Variants in WWP2 observed in about 807,000 individuals in gnomAD.
The protein encoded by WWP2 is NEDD4-like E3 ubiquitin-protein ligase WWP2.
WWP2 carries 57 observed loss-of-function variants against 121.0 expected under a neutral mutation model. That is an observed-to-expected ratio of 0.47 (90% confidence interval 0.38 to 0.59). The LOEUF (loss-of-function observed/expected upper bound fraction) is 0.59, where lower values mean the gene tolerates loss of function less well. Ranked by LOEUF, WWP2 falls within the 20% of genes least tolerant of loss-of-function variation. WWP2 has a pLI of 0.00. For missense variants in WWP2, 962 were observed against 1,158.9 expected, an observed-to-expected ratio of 0.83 and a Z score of 2.47; for synonymous variants, 449 against 441.3, an observed-to-expected ratio of 1.02 and a Z score of -0.22.
In WWP2 at chr16:69,917,726, A is replaced by C; in HGVS notation, c.1022A>C (p.Asp341Ala). The change falls in exon 10 of 24, where the codon GAT (aspartate) becomes GCT (alanine). Residue 341 changes from aspartate to alanine, a missense_variant. Around this residue, in one of 3 missense-constraint regions of WWP2, gnomAD observed 606 missense variants for 772.6 expected, o/e 0.78. Coordinates refer to ENST00000359154, the MANE Select transcript of WWP2 (RefSeq NM_001270454.2). Reference sequence around the variant, plus strand: ...ATTTCCAGCTGGGAAAAACGCACAGATCCCCGAGGCAGGTTTTACTATGTG... The same window carrying C: ...ATTTCCAGCTGGGAAAAACGCACAGCTCCCCGAGGCAGGTTTTACTATGTG... ...PLPPGWEKRT[D>A]PRGRFYYVDH... 6.2e-7 allele frequency: 1 copy of C among 1,604,348 alleles called. No homozygotes were observed. Among genetic ancestry groups the C allele is most frequent in the East Asian group, 2.2e-5 (1 of 44,544 alleles).
Position 69,799,170 on chromosome 16 carries a change from T to C in WWP2, c.219-4T>C, listed in dbSNP as rs2151813624. ...ATGTAATGAATCAGGTATTTGTTTT[T>C]CAGGAATGTCACGGCACAGAGTCAT... is the stretch of plus-strand genomic sequence containing the variant. On this transcript the variant is annotated splice_region_variant and splice_polypyrimidine_tract_variant and intron_variant, in intron 3 of 23. Coordinates refer to ENST00000359154, the MANE Select transcript of WWP2 (RefSeq NM_001270454.2). The surrounding 1 kb of genome is among the most constrained non-coding windows in gnomAD (Gnocchi z 4.5). The C allele has an allele frequency of 6.2e-7, 1 of 1,609,032 alleles. No homozygotes were observed. Among genetic ancestry groups the C allele is most frequent in the Non-Finnish European group, 8.5e-7 (1 of 1,178,338 alleles).
At position 69,938,908 on chromosome 16, in the gene WWP2, A is replaced by G. The variant is rs1175123257; in HGVS notation, c.2344-119A>G. On this transcript the variant is annotated intron_variant, in intron 21 of 23. Coordinates refer to ENST00000359154, the MANE Select transcript of WWP2 (RefSeq NM_001270454.2). Reference sequence around the variant, plus strand: ...GTTGGAGGCTGTCATCCCCTGGCCAACCTGGCTTTGTGTTCTCAGCCCCAA... The same window carrying G: ...GTTGGAGGCTGTCATCCCCTGGCCAGCCTGGCTTTGTGTTCTCAGCCCCAA... 7.1e-6 allele frequency: 6 copies of G among 849,952 alleles called. No individual in the cohort carries two copies. The African/African-American group carries it at 8.5e-5, about 12-fold the overall frequency. 52.7% of individuals were successfully genotyped at this position (849,952 alleles called of 1,614,324 possible).
chr16:69,763,722 T>A (rs1483406209), intron 1 of WWP2, among the ~76,000 whole-genome samples: 2 of 152,254 alleles, frequency 1.3e-5, no homozygotes, highest in East Asian at 3.8e-4. Context: ...CCTGCTAGAT[T>A]GCAAATCCTT....
intron 1 of WWP2, among the ~76,000 whole-genome samples, chr16:69,779,620 T>A (rs2055620810): frequency 6.6e-6 from 1 of 152,040 alleles, no homozygotes; most frequent in Non-Finnish European, 1.5e-5. Flanking sequence ...TCTCTAAGAG[T>A]CAGGACCAAA....
At chr16:69,886,002 A>G (rs139469590) in intron 7 of WWP2, among the ~76,000 whole-genome samples, 95 of 152,310 alleles carry the variant, frequency 6.2e-4, no homozygotes, top group Non-Finnish European at 9.8e-4. Context: ...ATGATCGGGA[A>G]AGGGGGGTTG....
chr16:69,838,485 C>G (rs1343428116), intron 4 of WWP2, among the ~76,000 whole-genome samples: 6 of 150,430 alleles, frequency 4.0e-5, no homozygotes, highest in East Asian at 1.9e-4. Context: ...TCAACACTTA[C>G]GATTGCATAG....
intron 4 of WWP2, among the ~76,000 whole-genome samples, chr16:69,809,989 C>G (rs1330343793): frequency 1.3e-5 from 2 of 152,172 alleles, no homozygotes; most frequent in African/African-American, 4.8e-5. Context: ...ATCGTGCATA[C>G]AGTTGTGTAG....
chr16:69,909,103 C>T (rs752305166), intron 9 of WWP2: 13 of 1,211,432 alleles, frequency 1.1e-5, no homozygotes, highest in South Asian at 2.6e-5. Context: ...TGCATTCCGC[C>T]GTACCCTATG....
At chr16:69,904,961 G>A (rs117332082) in intron 8 of WWP2, among the ~76,000 whole-genome samples, 2,399 of 152,268 alleles carry the variant, frequency 0.016, 31 homozygotes, top group South Asian at 0.052. Context: ...AACTTAGTAC[G>A]TAAACCAACC....
chr16:69,901,335 A>G (rs2058200370), intron 8 of WWP2, among the ~76,000 whole-genome samples: 1 of 152,174 alleles, frequency 6.6e-6, no homozygotes, highest in Admixed American at 6.5e-5. Context: ...CTTCCAGTGT[A>G]TTCTTCTTAA....
intron 4 of WWP2, among the ~76,000 whole-genome samples, chr16:69,806,060 G>A (rs181950421): frequency 1.1e-3 from 166 of 150,752 alleles, no homozygotes; most frequent in African/African-American, 4.0e-3. Context: ...AATTAGCCAG[G>A]TGTGATGGTG....
intron 9 of WWP2, 29 bp downstream of exon 9, chr16:69,908,879 C>G: frequency 6.2e-7 from 1 of 1,614,004 alleles, no homozygotes; most frequent in Non-Finnish European, 8.5e-7. Flanking sequence ...AGACCTGAGA[C>G]TCTGGAACTG....
chr16:69,868,163 G>A (rs917516855), intron 6 of WWP2, among the ~76,000 whole-genome samples: 3 of 152,210 alleles, frequency 2.0e-5, no homozygotes, highest in Non-Finnish European at 4.4e-5. Flanking sequence ...GGGGAGAGGG[G>A]ATGTGGTGTT....
intron 4 of WWP2, among the ~76,000 whole-genome samples, chr16:69,838,353 A>AC (rs1202666907): frequency 2.0e-4 from 29 of 148,264 alleles, no homozygotes; most frequent in African/African-American, 6.8e-4. Context: ...GCCTGACCAC[A>AC]CCCCCTCTTA....
chr16:69,764,610 G>A (rs2038688675), intron 1 of WWP2, among the ~76,000 whole-genome samples: 1 of 152,300 alleles, frequency 6.6e-6, no homozygotes, highest in African/African-American at 2.4e-5. Context: ...AGAAAACGCT[G>A]TACTCTACCA....
chr16:69,785,107 C>T (rs966899009), intron 1 of WWP2, among the ~76,000 whole-genome samples: 2 of 151,742 alleles, frequency 1.3e-5, no homozygotes, highest in Non-Finnish European at 2.9e-5. Context: ...GGTGCTGGTG[C>T]CTCTAATTCC....
intron 4 of WWP2, among the ~76,000 whole-genome samples, chr16:69,808,809 C>T (rs1167377463): frequency 6.6e-6 from 1 of 152,200 alleles, no homozygotes; most frequent in Non-Finnish European, 1.5e-5. Flanking sequence ...AGTTTTTGGC[C>T]ATCATGAACA....
chr16:69,881,084 G>A (rs553091911), intron 7 of WWP2, among the ~76,000 whole-genome samples: 1 of 152,288 alleles, frequency 6.6e-6, no homozygotes, highest in Non-Finnish European at 1.5e-5. Flanking sequence ...GGAACCTTGT[G>A]AAATACCCAA....
At chr16:69,902,671 G>A (rs2058223520) in intron 8 of WWP2, among the ~76,000 whole-genome samples, 1 of 152,216 alleles carries the variant, frequency 6.6e-6, no homozygotes, top group Admixed American at 6.5e-5. Context: ...GTGTGAAGGA[G>A]TTGCTTATAA....
Sources: allele counts gnomAD v4.1 joint callset (sites outside exome capture counted in the v4.1 genomes callset), GRCh38; gene constraint gnomAD v4.1.1; regional missense constraint gnomAD v4.1.1; non-coding constraint Gnocchi (gnomAD v3.1); transcripts MANE v1.5; gene names NCBI Gene and HGNC (gene_info 2026-07-23, HGNC 2026-07-21).